GABRB3: variants seen among roughly 807,000 people sequenced by gnomAD.
GABRB3 encodes gamma-aminobutyric acid type A receptor subunit beta3, also known as gamma-aminobutyric acid receptor subunit beta-3.
GABRB3 carries 14 observed loss-of-function variants against 52.1 expected under a neutral mutation model. That is an observed-to-expected ratio of 0.27 (90% confidence interval 0.18 to 0.42). The LOEUF (loss-of-function observed/expected upper bound fraction) is 0.42. Ranked by LOEUF, GABRB3 falls within the 10% of genes least tolerant of loss-of-function variation. The probability of loss-of-function intolerance (pLI) is 1.00; values close to 1 mark genes in which losing one functional copy is unlikely to be tolerated. For missense variants in GABRB3, 307 were observed against 609.1 expected (o/e 0.50, Z 5.22); for synonymous variants, 260 against 232.3 (o/e 1.12, Z -1.08).
At chr15:26,686,315 G>A (rs1329922982) in intron 3 of GABRB3, among the ~76,000 whole-genome samples, 1 of 152,122 alleles carries the variant, frequency 6.6e-6, no homozygotes, top group Non-Finnish European at 1.5e-5. Flanking sequence ...TTTTGAAAAA[G>A]GACTGGATAT....
intron 7 of GABRB3, among the ~76,000 whole-genome samples, chr15:26,562,386 C>A (rs953990142): frequency 2.0e-5 from 3 of 152,318 alleles, no homozygotes; most frequent in Non-Finnish European, 4.4e-5. Flanking sequence ...ATAGGTTCCT[C>A]CGCATTGCTT....
In GABRB3 at chr15:26,773,001, G is replaced by A. The variant is rs1891199069; in HGVS notation, c.-39C>T. 7.6e-7 allele frequency: 1 copy of A among 1,320,672 alleles called. No individual in the cohort carries two copies. The highest frequency in any genetic ancestry group is 9.8e-7 in the Non-Finnish European group (1 of 1,025,450). The allele number at this position is 1,320,672 out of a possible 1,614,324, so 81.8% of individuals were successfully genotyped here. On this transcript the variant is annotated 5_prime_UTR_variant, in exon 1 of 9. Coordinates refer to ENST00000311550, the MANE Select transcript of GABRB3 (RefSeq NM_000814.6). ...CCCGGCACGGGGGAGGGGGCGCCCC[G>A]CCGCCGTCGCGACCCGCAGCCGGGG...
At chr15:26,573,886 C>CA (rs1890501295) in intron 6 of GABRB3, among the ~76,000 whole-genome samples, 1 of 151,874 alleles carries the variant, frequency 6.6e-6, no homozygotes, top group Non-Finnish European at 1.5e-5. Context: ...TCCATCTTTA[C>CA]AAAAAAATAC....
At chr15:26,556,055 A>G (rs1160829482) in intron 8 of GABRB3, among the ~76,000 whole-genome samples, 2 of 152,240 alleles carry the variant, frequency 1.3e-5, no homozygotes, top group African/African-American at 4.8e-5. Context: ...TTGTGGGTGA[A>G]ATACAAGGCT....
rs556524672 is a variant in GABRB3 at position 26,639,832 on chromosome 15, A to T, written c.241-18298T>A. Among the ~76,000 whole-genome samples the T allele has an allele frequency of 9.2e-5, 14 of 152,336 alleles. No individual in the cohort carries two copies. In the South Asian group the frequency reaches 1.4e-3, roughly 16 times the overall value. ...ATATCTGCTCCTGGTAAATGTAAAC[A>T]GATGTTTCTAATTATTCCCTTTCAG... On this transcript the variant is annotated intron_variant, in intron 3 of 8. Transcript: ENST00000311550.
intron 6 of GABRB3, among the ~76,000 whole-genome samples, chr15:26,579,910 C>A (rs1179355883): frequency 6.6e-6 from 1 of 152,150 alleles, no homozygotes; most frequent in African/African-American, 2.4e-5. Flanking sequence ...TGGCTGCTAA[C>A]CCCAGTGGAG....
At chr15:26,666,227 C>T (rs983855140) in intron 3 of GABRB3, among the ~76,000 whole-genome samples, 3 of 152,196 alleles carry the variant, frequency 2.0e-5, no homozygotes, top group African/African-American at 7.2e-5. Flanking sequence ...ATTACTCCTT[C>T]ATTCTACCCA....
intron 3 of GABRB3, among the ~76,000 whole-genome samples, chr15:26,736,004 C>T (rs1263624824): frequency 1.4e-5 from 2 of 148,126 alleles, no homozygotes; most frequent in East Asian, 3.9e-4. Flanking sequence ...CTATATAATT[C>T]CATTTATATG....
At chr15:26,697,239 T>A (rs1888770105) in intron 3 of GABRB3, among the ~76,000 whole-genome samples, 1 of 152,232 alleles carries the variant, frequency 6.6e-6, no homozygotes, top group South Asian at 2.1e-4. Context: ...CCCTAAGTAA[T>A]GATCTATTCT....
At chr15:26,692,979 G>C (rs17117245) in intron 3 of GABRB3, among the ~76,000 whole-genome samples, 1,815 of 152,310 alleles carry the variant, frequency 0.012, 32 homozygotes, top group African/African-American at 0.041. Flanking sequence ...TTACACAAAG[G>C]ATTGAGGGAG....
intron 6 of GABRB3, among the ~76,000 whole-genome samples, chr15:26,568,500 CTTTTT>C (rs11419760): frequency 8.0e-5 from 11 of 137,696 alleles, no homozygotes; most frequent in South Asian, 2.4e-4. Flanking sequence ...GTTTTCCTTT[CTTTTT>C]TTTTTTTTTT....
chr15:26,597,324 C>CA (rs1891428936), intron 4 of GABRB3, among the ~76,000 whole-genome samples: 2 of 152,112 alleles, frequency 1.3e-5, no homozygotes, highest in South Asian at 4.1e-4. Flanking sequence ...TGTTAAATGA[C>CA]AAAGAGGGAA....
At chr15:26,680,260 TC>T (rs1888196772) in intron 3 of GABRB3, among the ~76,000 whole-genome samples, 1 of 152,196 alleles carries the variant, frequency 6.6e-6, no homozygotes, top group South Asian at 2.1e-4. Flanking sequence ...TTGCCAGGCT[TC>T]CCAATTGTGT....
chr15:26,578,543 T>C (rs1281383410), intron 6 of GABRB3, among the ~76,000 whole-genome samples: 6 of 152,222 alleles, frequency 3.9e-5, no homozygotes, highest in African/African-American at 1.2e-4. Flanking sequence ...TGGTTCTAAG[T>C]GCTTTCAAGT....
intron 3 of GABRB3, among the ~76,000 whole-genome samples, chr15:26,737,660 G>C (rs960757356): frequency 2.0e-5 from 3 of 152,026 alleles, no homozygotes; most frequent in African/African-American, 7.2e-5. Flanking sequence ...AGGGGATAAT[G>C]GGGTTAAAAT....
At chr15:26,562,004 G>A (rs1366348382) in intron 7 of GABRB3, among the ~76,000 whole-genome samples, 1 of 152,102 alleles carries the variant, frequency 6.6e-6, no homozygotes, top group Non-Finnish European at 1.5e-5. Flanking sequence ...TGATCTCATT[G>A]TTTCCCAAAT....
Position 26,606,804 on chromosome 15 carries a change from C to CGATAGATAGATAGATAGA in GABRB3, c.461+14509_461+14510insTCTATCTATCTATCTATC, listed in dbSNP as rs200249563. On this transcript the variant is annotated intron_variant, in intron 4 of 8. Coordinates refer to ENST00000311550, the MANE Select transcript of GABRB3 (RefSeq NM_000814.6). The stretch of plus-strand genomic sequence containing the variant: ...TAGATATATCTATAGATAGATATAT[C>CGATAGATAGATAGATAGA]TATAGATAGATAGATAGATAGATAG... Among the ~76,000 whole-genome samples the CGATAGATAGATAGATAGA allele has an allele frequency of 2.6e-4, 11 of 42,770 alleles. 1 individual carries two copies. Among genetic ancestry groups the CGATAGATAGATAGATAGA allele is most frequent in the African/African-American group, 7.0e-4 (9 of 12,892 alleles). The allele number at this position is 42,770 out of a possible 152,430, so 28.1% of individuals were successfully genotyped here. A position where few individuals can be genotyped will look rare whatever the true frequency, so the allele number is the denominator to read the frequency against.
At chr15:26,681,045 T>C (rs2140647628) in intron 3 of GABRB3, among the ~76,000 whole-genome samples, 1 of 152,358 alleles carries the variant, frequency 6.6e-6, no homozygotes, top group Middle Eastern at 3.4e-3. Context: ...TGTTTTCCTT[T>C]AGGCCTGATT....
chr15:26,554,122 T>TGTGTATATATATATAAA (rs1325729340), intron 8 of GABRB3, among the ~76,000 whole-genome samples: 59 of 69,180 alleles, frequency 8.5e-4, no homozygotes, highest in African/African-American at 3.3e-3. Flanking sequence ...ATATAAAGTG[T>TGTGTATATATATATAAA]GTGTGTATAT....
Sources: gnomAD v4.1 joint callset for allele counts (sites outside exome capture counted in the v4.1 genomes callset) on GRCh38, gnomAD v4.1.1 for gene constraint, MANE v1.5 for transcripts, NCBI Gene and HGNC (gene_info 2026-07-23, HGNC 2026-07-21) for gene names.